Variants in LARP4 observed in about 807,000 individuals in gnomAD.
LARP4 encodes la-related protein 4.
LARP4 carries 29 observed loss-of-function variants against 92.9 expected under a neutral mutation model. The ratio of observed to expected loss-of-function variants is 0.31; its 90% CI spans 0.23 to 0.43. The LOEUF is 0.43. Ranked by LOEUF, LARP4 falls within the 20% of genes least tolerant of loss-of-function variation. LARP4 has a pLI of 1.00. For missense variants in LARP4, 732 were observed against 860.0 expected (o/e 0.85, Z 1.86); for synonymous variants, 279 against 284.1 (o/e 0.98, Z 0.18).
intron 8 of LARP4, among the ~76,000 whole-genome samples, chr12:50,449,135 C>T (rs1004680107): frequency 2.6e-5 from 4 of 151,808 alleles, no homozygotes; most frequent in African/African-American, 4.8e-5. Context: ...CCCAGCTACT[C>T]GGGAGGCTGA....
At position 50,461,155 on chromosome 12, in the gene LARP4, C is replaced by A; in HGVS notation, c.1142C>A (p.Ser381Ter). Residue 381 changes from serine to a stop codon, truncating the protein, a stop_gained, in exon 11 of 16, where the codon TCA becomes TAA. Transcript: ENST00000398473. LOFTEE classifies it high-confidence loss of function. ...QKNRVKPQFR[S>*]SGGSEHSTEG... ...TATAGTGTGAAGCCTCAGTTTAGGT[C>A]ATCTGGTGGTTCAGAACACTCAACA... 6.2e-7 allele frequency: 1 copy of A among 1,613,812 alleles called. No homozygotes were observed. Among genetic ancestry groups the A allele is most frequent in the South Asian group, 1.1e-5 (1 of 91,048 alleles).
chr12:50,479,662 A>C lies in LARP4; in HGVS notation c.*3798A>C, dbSNP rs1049801096. ...GACAGTTCCTAAAAGCGTAACTCAG[A>C]TATTAATGGGCTGTGTATTAAATGG... On this transcript the variant is annotated 3_prime_UTR_variant, in exon 16 of 16. Transcript: ENST00000398473. The C allele has an allele frequency of 2.0e-5, 3 of 152,238 alleles. No individual in the cohort carries two copies. The highest frequency in any genetic ancestry group is 1.3e-4 in the Admixed American group (2 of 15,278). The allele number at this position is 152,238 out of a possible 1,614,324, so 9.4% of individuals were successfully genotyped here. A position where few individuals can be genotyped will look rare whatever the true frequency, so the allele number is the denominator to read the frequency against.
At chr12:50,470,741 C>A (rs2139076146) in intron 13 of LARP4, among the ~76,000 whole-genome samples, 1 of 152,164 alleles carries the variant, frequency 6.6e-6, no homozygotes, top group East Asian at 1.9e-4. Flanking sequence ...CTTATAACCC[C>A]AACACACAAT....
Position 50,449,569 on chromosome 12 carries a change from GTA to G in LARP4, c.805-3890_805-3889del, listed in dbSNP as rs1213143366. Among the ~76,000 whole-genome samples the G allele has an allele frequency of 3.9e-5, 6 of 152,098 alleles. No homozygotes were observed. In the East Asian group the frequency reaches 1.2e-3, roughly 29 times the overall value. ...AGAGGCATGATGCCTTGCTACCTTG[GTA>G]GCAAGGGTTTGATTTTTGGGGCAAT... On this transcript the variant is annotated intron_variant, in intron 8 of 15. Coordinates refer to ENST00000398473, the MANE Select transcript of LARP4 (RefSeq NM_052879.5).
At chr12:50,404,248 A>G (rs1376769275) in intron 1 of LARP4, among the ~76,000 whole-genome samples, 1 of 152,202 alleles carries the variant, frequency 6.6e-6, no homozygotes, top group Non-Finnish European at 1.5e-5. Flanking sequence ...ACTAAGGCAC[A>G]TATAATTTAA....
chr12:50,415,626 C>T (rs1447682691), intron 1 of LARP4: 2 of 151,696 alleles, frequency 1.3e-5, no homozygotes, highest in Non-Finnish European at 2.9e-5. Context: ...TGCAAAATTG[C>T]CCATGTTATG....
chr12:50,449,729 A>T (rs892252570), intron 8 of LARP4, among the ~76,000 whole-genome samples: 4 of 152,112 alleles, frequency 2.6e-5, no homozygotes, highest in Non-Finnish European at 5.9e-5. Flanking sequence ...CCTGAGTTAC[A>T]GGTTCTATGT....
chr12:50,434,607 A>C (rs1421958294), intron 4 of LARP4, among the ~76,000 whole-genome samples: 1 of 150,200 alleles, frequency 6.7e-6, no homozygotes, highest in Non-Finnish European at 1.5e-5. Flanking sequence ...GGGTTTCACC[A>C]TGTTGGCCAG....
At chr12:50,437,686 A>ATTT (rs777280378) in intron 5 of LARP4, 49 bp from the exon 6 acceptor site, 1 of 1,034,272 alleles carries the variant, frequency 9.7e-7, no homozygotes, top group Non-Finnish European at 1.5e-6. Flanking sequence ...GGCATTAATA[A>ATTT]TATCACTACT....
chr12:50,474,003 A>G lies in LARP4; in HGVS notation c.1672A>G (p.Thr558Ala), dbSNP rs1957262380. The G allele has an allele frequency of 6.2e-7, 1 of 1,611,490 alleles. No homozygotes were observed. Among genetic ancestry groups the G allele is most frequent in the Non-Finnish European group, 8.5e-7 (1 of 1,179,706 alleles). The stretch of plus-strand genomic sequence containing the variant: ...TGCAAGCTCTTTTTTCCTTAGCACA[A>G]CTCAGCAAGAAAAGGATCTAATAGA... ...CAAELTALST[T>A]QQEKDLIEDS... The change falls in exon 15 of 16, where the codon ACT becomes GCT. Residue 558 changes from threonine (T) to alanine (A), a missense_variant. Coordinates refer to ENST00000398473, the MANE Select transcript of LARP4 (RefSeq NM_052879.5).
rs749476328 is a variant in LARP4 at position 50,466,990 on chromosome 12, C to T, written c.1415C>T (p.Ala472Val). The T allele has an allele frequency of 1.5e-5, 24 of 1,612,456 alleles. 1 individual carries two copies. Among genetic ancestry groups the T allele is most frequent in the Non-Finnish European group, 2.0e-5 (23 of 1,179,250 alleles). Residue 472 changes from alanine to valine, a missense_variant, in exon 13 of 16, where the codon GCT (alanine) becomes GTT (valine). Physicochemically the swap from Ala to Val is moderately conservative, Grantham distance 64. Around this residue, in one of 7 missense-constraint regions of LARP4, gnomAD observed 264 missense variants for 269.5 expected, o/e 0.98. Transcript: ENST00000398473. ...RPHPSTAESKAPTPKFDLLAS... is the reference protein window; with the variant it reads ...RPHPSTAESKVPTPKFDLLAS... ...CATCCTTCAACAGCTGAATCAAAGG[C>T]TCCAACACCAAAGTTTGACTTATTA...
At position 50,475,983 on chromosome 12, in the gene LARP4, A is replaced by G. The variant is rs1450075797; in HGVS notation, c.*119A>G. 4 of 814,820 alleles carry G rather than the reference A, an allele frequency of 4.9e-6. No individual in the cohort carries two copies. The highest frequency in any genetic ancestry group is 7.6e-6 in the Non-Finnish European group (4 of 527,444). 50.5% of individuals were successfully genotyped at this position (814,820 alleles called of 1,614,324 possible). ...GAAGGAAACAAGAGAAAGTACGTCC[A>G]TTTCATTATGGATTTTGGAGTTGTG... On this transcript the variant is annotated 3_prime_UTR_variant, in exon 16 of 16. Transcript: ENST00000398473.
At chr12:50,453,782 G>A (rs749474571) in intron 9 of LARP4, 110 bp downstream of exon 9, 2 of 679,310 alleles carry the variant, frequency 2.9e-6, no homozygotes, top group African/African-American at 1.8e-5. Flanking sequence ...TGACTTTTTG[G>A]CCTTTATTTT....
rs1170576871 is a variant in LARP4 at position 50,445,982 on chromosome 12, C to G, written c.804+4339C>G. Among the ~76,000 whole-genome samples the G allele has an allele frequency of 2.0e-5, 3 of 150,406 alleles. No homozygotes were observed. The East Asian group carries it at 5.9e-4, about 29-fold the overall frequency. On this transcript the variant is annotated intron_variant, in intron 8 of 15. Transcript: ENST00000398473. ...TGCCCTGAAATATTTCTTTCATTGC[C>G]GTTTTCTTTTTTTCTTTTTTCTTTT...
At chr12:50,448,298 C>T (rs1053551766) in intron 8 of LARP4, among the ~76,000 whole-genome samples, 2 of 152,180 alleles carry the variant, frequency 1.3e-5, no homozygotes, top group Admixed American at 6.6e-5. Context: ...CTATTAAATA[C>T]ATTCACAATG....
chr12:50,436,306 C>T (rs973547185), intron 5 of LARP4, among the ~76,000 whole-genome samples: 1 of 151,690 alleles, frequency 6.6e-6, no homozygotes, highest in Non-Finnish European at 1.5e-5. Flanking sequence ...CGTGAGCCAC[C>T]ACCCCCGGCC....
intron 5 of LARP4, among the ~76,000 whole-genome samples, chr12:50,436,123 ATGTGTG>A (rs1224429640): frequency 2.7e-5 from 3 of 113,104 alleles, no homozygotes; most frequent in Admixed American, 8.9e-5. Flanking sequence ...TGTGTGTGAT[ATGTGTG>A]TGTGTGTGTG....
At chr12:50,417,236 C>T (rs1946963551) in intron 1 of LARP4, among the ~76,000 whole-genome samples, 1 of 151,772 alleles carries the variant, frequency 6.6e-6, no homozygotes, top group Admixed American at 6.6e-5. Flanking sequence ...GGTGACACTC[C>T]ATGGTGATGG....
chr12:50,458,260 C>CTTTGTTTTTGTTTG (rs1201032096), intron 10 of LARP4, among the ~76,000 whole-genome samples: 1 of 151,816 alleles, frequency 6.6e-6, no homozygotes, highest in Non-Finnish European at 1.5e-5. Flanking sequence ...ATAATTTTAT[C>CTTTGTTTTTGTTTG]TTTGTTTTTG....
Sources: allele counts gnomAD v4.1 joint callset (sites outside exome capture counted in the v4.1 genomes callset), GRCh38; gene constraint gnomAD v4.1.1; regional missense constraint gnomAD v4.1.1; transcripts MANE v1.5; gene names NCBI Gene and HGNC (gene_info 2026-07-23, HGNC 2026-07-21).